Variants in EFCAB8 observed in about 807,000 individuals in gnomAD.
EFCAB8 encodes EF-hand calcium binding domain 8, also known as EF-hand calcium-binding domain-containing protein 8.
A neutral mutation model predicts 116.3 loss-of-function variants in EFCAB8; 100 were observed. The observed-to-expected ratio is 0.86, with a 90% CI of 0.73 to 1.02. The LOEUF (loss-of-function observed/expected upper bound fraction) is 1.02, where lower values mean the gene tolerates loss of function less well. Ranked by LOEUF, EFCAB8 falls within the 50% of genes least tolerant of loss-of-function variation. The pLI is 0.00. For missense variants in EFCAB8, 1,320 were observed against 1,416.9 expected (o/e 0.93, Z 1.10); for synonymous variants, 558 against 567.9 (o/e 0.98, Z 0.25).
chr20:32,906,839 A>G lies in EFCAB8; in HGVS notation c.1157-4A>G. The G allele has an allele frequency of 7.1e-7, 1 of 1,409,624 alleles. No homozygotes were observed. Among genetic ancestry groups the G allele is most frequent in the Non-Finnish European group, 9.8e-7 (1 of 1,017,598 alleles). 87.3% of individuals were successfully genotyped at this position (1,409,624 alleles called of 1,614,324 possible). A position where few individuals can be genotyped will look rare whatever the true frequency, so the allele number is the denominator to read the frequency against. On this transcript the variant is annotated splice_polypyrimidine_tract_variant and splice_region_variant and intron_variant, in intron 12 of 26. Transcript: ENST00000400522. ...TGGGACTGACACCCACGTCTTGACC[A>G]CAGTGACTGGTGGCTACGATGCCTT...
At chr20:32,916,172 G>A (rs1987174751) in intron 17 of EFCAB8, among the ~76,000 whole-genome samples, 1 of 152,212 alleles carries the variant, frequency 6.6e-6, no homozygotes, top group East Asian at 1.9e-4. Flanking sequence ...CAAATTCAGT[G>A]ACTGGTGAGG....
At position 32,911,718 on chromosome 20, in the gene EFCAB8, C is replaced by T. The variant is rs1986932908; in HGVS notation, c.1785+11C>T. 1.3e-6 allele frequency: 2 copies of T among 1,551,224 alleles called. No individual in the cohort carries two copies. Among genetic ancestry groups the T allele is most frequent in the Admixed American group, 2.0e-5 (1 of 50,980 alleles). Reference sequence around the variant, plus strand: ...CCGGAACAGCTGGAGGTCAGTCTTGCTTGTCAATTACAGCCAGGGACGGCC... The same window carrying T: ...CCGGAACAGCTGGAGGTCAGTCTTGTTTGTCAATTACAGCCAGGGACGGCC... On this transcript the variant is annotated intron_variant, in intron 16 of 26. Coordinates refer to ENST00000400522, the MANE Select transcript of EFCAB8 (RefSeq NM_001143967.2).
intron 22 of EFCAB8, among the ~76,000 whole-genome samples, chr20:32,943,228 TTG>T (rs372490413): frequency 9.0e-4 from 137 of 152,358 alleles, no homozygotes; most frequent in Middle Eastern, 3.4e-3. Context: ...AGGCTAGTTA[TTG>T]AACATGTCTG....
chr20:32,867,142 A>T (rs1386139698), intron 2 of EFCAB8, among the ~76,000 whole-genome samples: 1 of 151,368 alleles, frequency 6.6e-6, no homozygotes, highest in Admixed American at 6.6e-5. Flanking sequence ...CTGGTCTCAA[A>T]CTCCTGACCT....
chr20:32,881,447 T>C (rs558362490), intron 5 of EFCAB8, among the ~76,000 whole-genome samples: 7 of 152,298 alleles, frequency 4.6e-5, no homozygotes, highest in Admixed American at 1.3e-4. Context: ...TCCATCCACT[T>C]CGGCCTCCCA....
intron 2 of EFCAB8, among the ~76,000 whole-genome samples, chr20:32,864,773 A>G (rs1984303560): frequency 6.6e-6 from 1 of 152,106 alleles, no homozygotes; most frequent in Non-Finnish European, 1.5e-5. Context: ...GGGGCTGGGG[A>G]GTATAGAGAT....
chr20:32,934,727 G>T lies in EFCAB8; in HGVS notation c.2790+3391G>T, dbSNP rs963752306. 3.3e-5 allele frequency among the ~76,000 whole-genome samples: 5 copies of T among 152,100 alleles called. No individual in the cohort carries two copies. The South Asian group carries it at 1.0e-3, about 32-fold the overall frequency. On this transcript the variant is annotated intron_variant, in intron 22 of 26. Transcript: ENST00000400522. ...CAAGAGATATGATGGCTTTATAAAG[G>T]GCAGTTCCCCTGCTCATGCTCTCTT...
At chr20:32,889,034 G>A (rs1460009818) in intron 6 of EFCAB8, among the ~76,000 whole-genome samples, 1 of 152,130 alleles carries the variant, frequency 6.6e-6, no homozygotes, top group African/African-American at 2.4e-5. Flanking sequence ...GCTCACTGCG[G>A]CAAGACTTTG....
chr20:32,880,577 TAAAAC>T (rs1230359441), intron 5 of EFCAB8, among the ~76,000 whole-genome samples: 3 of 152,266 alleles, frequency 2.0e-5, no homozygotes, highest in Non-Finnish European at 2.9e-5. Context: ...GGCAATAACT[TAAAAC>T]AAAATTTTGG....
chr20:32,929,706 G>C (rs1987820517), intron 20 of EFCAB8, among the ~76,000 whole-genome samples: 2 of 152,090 alleles, frequency 1.3e-5, no homozygotes, highest in Admixed American at 6.6e-5. Context: ...ACACTGTAAA[G>C]TTCTGAGCAG....
At chr20:32,859,129 A>G (rs761746933) in intron 1 of EFCAB8, 123 bp downstream of exon 1, 2 of 445,086 alleles carry the variant, frequency 4.5e-6, no homozygotes, top group Non-Finnish European at 9.3e-6. Context: ...CTTTCAATGC[A>G]TGTATCCTTA....
intron 1 of EFCAB8, among the ~76,000 whole-genome samples, chr20:32,862,212 C>T (rs1160642235): frequency 6.6e-6 from 1 of 151,606 alleles, no homozygotes; most frequent in African/African-American, 2.4e-5. Flanking sequence ...CTCTCTGCAG[C>T]CTCAACCTCC....
chr20:32,960,844 G>A (rs1209404010), intron 26 of EFCAB8, among the ~76,000 whole-genome samples: 1 of 152,218 alleles, frequency 6.6e-6, no homozygotes, highest in Non-Finnish European at 1.5e-5. Context: ...CCTCACCCAG[G>A]GTCCAGCTCG....
At position 32,960,165 on chromosome 20, in the gene EFCAB8, A is replaced by G. The variant is rs1390242655; in HGVS notation, c.3393+4A>G. The G allele has an allele frequency of 1.7e-5, 27 of 1,551,392 alleles. No homozygotes were observed. The East Asian group carries it at 6.6e-4, about 38-fold the overall frequency. On this transcript the variant is annotated splice_donor_region_variant and intron_variant, in intron 26 of 26. Transcript: ENST00000400522. ...ATATGGCTGGATGAAGCATCAGGTA[A>G]GGTGGGATGGGGCAGCTCCCCAAGA... is the stretch of plus-strand genomic sequence containing the variant.
At chr20:32,864,885 A>G (rs942021936) in intron 2 of EFCAB8, among the ~76,000 whole-genome samples, 1 of 152,224 alleles carries the variant, frequency 6.6e-6, no homozygotes, top group Non-Finnish European at 1.5e-5. Context: ...TTATTGTGTA[A>G]TTACAGTTTA....
In EFCAB8 at chr20:32,867,615, G is replaced by T. The variant is rs770787494; in HGVS notation, c.76G>T (p.Ala26Ser). 3 of 1,551,500 alleles carry T rather than the reference G, an allele frequency of 1.9e-6. No homozygotes were observed. In the East Asian group the frequency reaches 7.3e-5, roughly 38 times the overall value. ...CCCACATGGCTTCCAGAACAAGGAG[G>T]CTGCTAGCTCCCCAACACCATCCAT... is the stretch of plus-strand genomic sequence containing the variant. ...SIPHGFQNKEAASSPTPSITL... is the reference protein window; with the variant it reads ...SIPHGFQNKESASSPTPSITL... The change falls in exon 3 of 27, where the codon GCT (alanine) becomes TCT (serine). Residue 26 changes from alanine (A) to serine (S), a missense_variant. Physicochemically the swap from Ala to Ser is moderately conservative, Grantham distance 99. Coordinates refer to ENST00000400522, the MANE Select transcript of EFCAB8 (RefSeq NM_001143967.2).
intron 9 of EFCAB8, among the ~76,000 whole-genome samples, chr20:32,896,176 T>C (rs1301694046): frequency 6.6e-6 from 1 of 152,172 alleles, no homozygotes; most frequent in Non-Finnish European, 1.5e-5. Flanking sequence ...TTGCAGCACC[T>C]AGGAAGCGTG....
intron 20 of EFCAB8, among the ~76,000 whole-genome samples, chr20:32,928,736 C>T (rs563501428): frequency 1.1e-4 from 16 of 152,210 alleles, no homozygotes; most frequent in South Asian, 4.2e-4. Flanking sequence ...GCAGAACTTC[C>T]AGTACTCTGT....
chr20:32,863,111 C>G lies in EFCAB8; in HGVS notation c.-10-672C>G, dbSNP rs150523745. Among the ~76,000 whole-genome samples, 157 of 152,102 alleles carry G rather than the reference C, an allele frequency of 1.0e-3. No homozygotes were observed. In the East Asian group the frequency reaches 0.027, roughly 26 times the overall value. The stretch of plus-strand genomic sequence containing the variant: ...TGGCTCAGTTGGTCTGCCCCCTGTG[C>G]GTGTCTTGGGCTTAACTATTTCTTG... On this transcript the variant is annotated intron_variant, in intron 1 of 26. Coordinates refer to ENST00000400522, the MANE Select transcript of EFCAB8 (RefSeq NM_001143967.2).
Sources: gnomAD v4.1 joint callset for allele counts (sites outside exome capture counted in the v4.1 genomes callset) on GRCh38, gnomAD v4.1.1 for gene constraint, MANE v1.5 for transcripts, NCBI Gene and HGNC (gene_info 2026-07-23, HGNC 2026-07-21) for gene names.